The following CD109 variants were observed in gnomAD, a reference collection of about 807,000 sequenced individuals.
CD109 encodes CD109 molecule, also known as CD109 antigen.
Under a neutral mutation model 165.8 loss-of-function variants are expected in CD109, and 149 were observed. The observed-to-expected ratio is 0.90, with a 90% CI of 0.79 to 1.03. CD109 has a LOEUF of 1.03. Among genes scored for constraint, CD109 ranks in the 50% least tolerant of loss-of-function variants. The pLI, the probability that CD109 is intolerant of heterozygous loss-of-function variation, is 0.00. For synonymous variants in CD109, 585 were observed against 592.1 expected (o/e 0.99, Z 0.18); for missense variants, 1,712 against 1,677.8 (o/e 1.02, Z -0.36).
chr6:73,713,827 A>G (rs1183535454), intron 2 of CD109, among the ~76,000 whole-genome samples: 2 of 152,160 alleles, frequency 1.3e-5, no homozygotes, highest in Non-Finnish European at 1.5e-5. Flanking sequence ...CAATTAGTCA[A>G]TCTCCGAGAG....
chr6:73,826,274 A>G lies in CD109; in HGVS notation c.*2641A>G, dbSNP rs970901392. The G allele has an allele frequency of 6.6e-6, 1 of 152,212 alleles. No individual in the cohort carries two copies. The highest frequency in any genetic ancestry group is 6.5e-5 in the Admixed American group (1 of 15,276). The allele number at this position is 152,212 out of a possible 1,614,324, so 9.4% of individuals were successfully genotyped here. On this transcript the variant is annotated 3_prime_UTR_variant, in exon 33 of 33. Coordinates refer to ENST00000287097, the MANE Select transcript of CD109 (RefSeq NM_133493.5). The stretch of plus-strand genomic sequence containing the variant: ...GTATAAATTATTTTCTTCACATGCT[A>G]TGAGTAATAATATTAAAAAACTCAT...
chr6:73,792,682 G>A lies in CD109; in HGVS notation c.2758G>A (p.Gly920Ser), dbSNP rs1775014477. The A allele has an allele frequency of 1.9e-6, 3 of 1,613,186 alleles. No individual in the cohort carries two copies. Among genetic ancestry groups the A allele is most frequent in the Non-Finnish European group, 2.5e-6 (3 of 1,179,964 alleles). Reference protein sequence around the residue: ...GLASLIRMPYGCGEQNMINFA... With the variant: ...GLASLIRMPYSCGEQNMINFA... ...AGCCTCATTGATTCGGATGCCTTAT[G>A]GCTGTGGTGAACAGAACATGATAAA... The change falls in exon 23 of 33, where the codon GGC (glycine) becomes AGC (serine). Residue 920 changes from glycine to serine, a missense_variant. Gly to Ser is a moderately conservative substitution (Grantham distance 56, BLOSUM62 0). Coordinates refer to ENST00000287097, the MANE Select transcript of CD109 (RefSeq NM_133493.5).
Position 73,710,473 on chromosome 6 carries a change from C to T in CD109, c.248-12778C>T, listed in dbSNP as rs189204910. Among the ~76,000 whole-genome samples, 3 of 152,288 alleles carry T rather than the reference C, an allele frequency of 2.0e-5. No individual in the cohort carries two copies. The East Asian group carries it at 5.8e-4, about 29-fold the overall frequency. ...CAAACAAATGGAAGAACATTCCATG[C>T]TCATGGGTAGGAAGAATCAATATCT... is the stretch of plus-strand genomic sequence containing the variant. On this transcript the variant is annotated intron_variant, in intron 2 of 32. Transcript: ENST00000287097.
chr6:73,798,873 C>T (rs1186981660), intron 23 of CD109, among the ~76,000 whole-genome samples: 1 of 152,150 alleles, frequency 6.6e-6, no homozygotes, highest in Non-Finnish European at 1.5e-5. Context: ...TGTGGAGGCA[C>T]ATGGTCCTCT....
At chr6:73,800,590 G>A (rs1775326363) in intron 23 of CD109, among the ~76,000 whole-genome samples, 1 of 152,158 alleles carries the variant, frequency 6.6e-6, no homozygotes, top group African/African-American at 2.4e-5. Context: ...AGAAGGAGTG[G>A]TCAGACTTTT....
intron 3 of CD109, among the ~76,000 whole-genome samples, chr6:73,724,958 T>TG (rs991247264): frequency 6.6e-6 from 1 of 152,152 alleles, no homozygotes; most frequent in Non-Finnish European, 1.5e-5. Context: ...ACATTTATTT[T>TG]GGGGGGTTCA....
intron 3 of CD109, among the ~76,000 whole-genome samples, chr6:73,729,491 G>GTTATTATTA (rs144709719): frequency 8.2e-4 from 117 of 142,042 alleles, no homozygotes; most frequent in Middle Eastern, 3.6e-3. Context: ...GACTTCTATT[G>GTTATTATTA]TTATTATTAT....
chr6:73,814,846 A>G, intron 29 of CD109, 135 bp from the exon 30 acceptor site: 1 of 457,354 alleles, frequency 2.2e-6, no homozygotes, highest in Non-Finnish European at 3.6e-6. Context: ...AGTTAAATTA[A>G]TTTTTTTCTA....
At chr6:73,800,061 G>A (rs2150283007) in intron 23 of CD109, among the ~76,000 whole-genome samples, 1 of 151,204 alleles carries the variant, frequency 6.6e-6, no homozygotes, top group South Asian at 2.1e-4. Context: ...TTGTCATATT[G>A]CCCAGGCTGG....
At chr6:73,771,656 A>T (rs1191804790) in intron 15 of CD109, 75 bp downstream of exon 15, 1 of 1,027,412 alleles carries the variant, frequency 9.7e-7, no homozygotes, top group Middle Eastern at 2.3e-4. Flanking sequence ...ACTACTTTAA[A>T]TATTTAAAGA....
At chr6:73,727,944 T>C (rs1772201269) in intron 3 of CD109, among the ~76,000 whole-genome samples, 1 of 152,168 alleles carries the variant, frequency 6.6e-6, no homozygotes, top group African/African-American at 2.4e-5. Context: ...CAGGCTAGAC[T>C]CTGCTCTACC....
At chr6:73,779,027 A>T (rs2150246524) in intron 15 of CD109, among the ~76,000 whole-genome samples, 1 of 152,258 alleles carries the variant, frequency 6.6e-6, no homozygotes. Flanking sequence ...TTTCCAAAAC[A>T]TTTTCATGGC....
intron 2 of CD109, among the ~76,000 whole-genome samples, chr6:73,712,130 A>G (rs1248671918): frequency 6.6e-6 from 1 of 152,100 alleles, no homozygotes; most frequent in Admixed American, 6.6e-5. Context: ...GATTGCTTGA[A>G]CCTGGAAAGC....
At chr6:73,794,207 T>A (rs1474949929) in intron 23 of CD109, among the ~76,000 whole-genome samples, 1 of 152,046 alleles carries the variant, frequency 6.6e-6, no homozygotes, top group Admixed American at 6.5e-5. Context: ...TTATTTCCAT[T>A]TTATAGATGA....
At chr6:73,746,808 A>G (rs1772999596) in intron 5 of CD109, among the ~76,000 whole-genome samples, 3 of 152,222 alleles carry the variant, frequency 2.0e-5, no homozygotes, top group Admixed American at 2.0e-4. Flanking sequence ...ACTGTCAGGT[A>G]TAGACCAGCT....
intron 5 of CD109, among the ~76,000 whole-genome samples, chr6:73,744,229 A>G (rs1772897817): frequency 6.6e-6 from 1 of 152,196 alleles, no homozygotes; most frequent in Admixed American, 6.5e-5. Flanking sequence ...CAGGAATTCT[A>G]TTTTATTAAT....
chr6:73,776,563 T>C (rs1303198291), intron 15 of CD109, among the ~76,000 whole-genome samples: 1 of 142,720 alleles, frequency 7.0e-6, no homozygotes, highest in Non-Finnish European at 1.5e-5. Context: ...CTTTTTTTTT[T>C]TTTTTTTTTT....
intron 2 of CD109, among the ~76,000 whole-genome samples, chr6:73,710,323 G>T (rs1376879475): frequency 1.3e-5 from 2 of 152,090 alleles, no homozygotes; most frequent in Non-Finnish European, 2.9e-5. Flanking sequence ...GCCAAATCAT[G>T]AGTGAACTCC....
rs34703329 is a variant in CD109 at position 73,776,553 on chromosome 6, CTTTTTTTTTTTT to C, written c.1828-3858_1828-3847del. On this transcript the variant is annotated intron_variant, in intron 15 of 32. Coordinates refer to ENST00000287097, the MANE Select transcript of CD109 (RefSeq NM_133493.5). Reference sequence around the variant, plus strand: ...AGGCGTGAGCCACCACGCAAGTGGCCTTTTTTTTTTTTTTTTTTTTTTTTGACAGAGCCTTGA... The same window carrying C: ...AGGCGTGAGCCACCACGCAAGTGGCCTTTTTTTTTTTTGACAGAGCCTTGA... 4.1e-5 allele frequency among the ~76,000 whole-genome samples: 3 copies of C among 73,078 alleles called. 1 individual carries two copies. The highest frequency in any genetic ancestry group is 1.0e-3 in the South Asian group (2 of 1,992). The allele number at this position is 73,078 out of a possible 152,430, so 47.9% of individuals were successfully genotyped here.
Sources: gnomAD v4.1 joint callset for allele counts (sites outside exome capture counted in the v4.1 genomes callset) on GRCh38, gnomAD v4.1.1 for gene constraint, MANE v1.5 for transcripts, NCBI Gene and HGNC (gene_info 2026-07-23, HGNC 2026-07-21) for gene names.